The following SCHIP1 variants were observed in gnomAD, a reference collection of about 807,000 sequenced individuals.
SCHIP1 encodes the protein schwannomin interacting protein 1.
SCHIP1 carries 8 observed loss-of-function variants against 29.7 expected under a neutral mutation model. The observed-to-expected ratio is 0.27, with a 90% CI of 0.16 to 0.49. The LOEUF is 0.49. Among genes scored for constraint, SCHIP1 ranks in the 20% least tolerant of loss-of-function variants. The pLI, the probability that SCHIP1 is intolerant of heterozygous loss-of-function variation, is 0.99. For missense variants in SCHIP1, 193 were observed against 294.6 expected, an observed-to-expected ratio of 0.66 and a Z score of 2.52; for synonymous variants, 76 against 94.9, an observed-to-expected ratio of 0.80 and a Z score of 1.16.
the SCHIP1 span, among the ~76,000 whole-genome samples, chr3:159,713,031 T>A: frequency 6.6e-6 from 1 of 151,432 alleles, no homozygotes; most frequent in Non-Finnish European, 1.5e-5. Flanking sequence ...GGTGCATGCC[T>A]GTAATCCCAG....
At chr3:159,675,783 T>G in the SCHIP1 span, among the ~76,000 whole-genome samples, 1 of 152,218 alleles carries the variant, frequency 6.6e-6, no homozygotes, top group Non-Finnish European at 1.5e-5. Context: ...TCTCCCCATC[T>G]TTGTCCATGA....
At chr3:159,522,398 A>G in the SCHIP1 span, among the ~76,000 whole-genome samples, 3 of 152,244 alleles carry the variant, frequency 2.0e-5, no homozygotes, top group Non-Finnish European at 4.4e-5. Context: ...ATATAAAGTG[A>G]TTTACATGAC....
At chr3:159,540,722 A>C in the SCHIP1 span, among the ~76,000 whole-genome samples, 1 of 152,070 alleles carries the variant, frequency 6.6e-6, no homozygotes, top group Admixed American at 6.6e-5. Context: ...AGGTGTAGAC[A>C]ACTGAATGGA....
At chr3:159,446,161 C>A in the SCHIP1 span, among the ~76,000 whole-genome samples, 3 of 151,890 alleles carry the variant, frequency 2.0e-5, no homozygotes, top group East Asian at 1.9e-4. Context: ...GGGGTGCTAC[C>A]AACTCTTTCA....
At chr3:159,778,559 A>G in the SCHIP1 span, among the ~76,000 whole-genome samples, 3 of 152,228 alleles carry the variant, frequency 2.0e-5, no homozygotes, top group Non-Finnish European at 4.4e-5. Flanking sequence ...TACTAAAACT[A>G]TTCGACAACT....
intron 2 of SCHIP1, 23 bp from the exon 4 acceptor site, chr3:159,886,184 G>A (rs759424089): frequency 6.2e-7 from 1 of 1,612,030 alleles, no homozygotes; most frequent in Admixed American, 1.7e-5. Flanking sequence ...AGTAGAACTA[G>A]TGTCCTGTTT....
At chr3:159,836,506 T>C (rs1743671519), upstream of SCHIP1, among the ~76,000 whole-genome samples, 1 of 152,246 alleles carries the variant, frequency 6.6e-6, no homozygotes, top group East Asian at 1.9e-4. Context: ...CATTGTTTTC[T>C]ATGGAACACA....
the SCHIP1 span, among the ~76,000 whole-genome samples, chr3:159,643,488 C>T: frequency 2.6e-4 from 40 of 152,178 alleles, no homozygotes; most frequent in Admixed American, 7.9e-4. Context: ...ATGGCACAAT[C>T]AGAACATTCT....
the SCHIP1 span, among the ~76,000 whole-genome samples, chr3:159,338,623 G>A: frequency 6.6e-6 from 1 of 152,116 alleles, no homozygotes; most frequent in Non-Finnish European, 1.5e-5. Flanking sequence ...GGGGCCAAGG[G>A]TAGATTCAGA....
the SCHIP1 span, among the ~76,000 whole-genome samples, chr3:159,527,226 T>C: frequency 6.6e-6 from 1 of 152,198 alleles, no homozygotes; most frequent in Admixed American, 6.5e-5. Context: ...ATCAAAATCT[T>C]AATCCTTCTC....
the SCHIP1 span, among the ~76,000 whole-genome samples, chr3:159,704,267 T>C: frequency 6.6e-6 from 1 of 151,934 alleles, no homozygotes; most frequent in Non-Finnish European, 1.5e-5. Flanking sequence ...AAACTCTGTC[T>C]CTACTAAAAT....
At chr3:159,493,991 C>T in the SCHIP1 span, among the ~76,000 whole-genome samples, 1 of 152,074 alleles carries the variant, frequency 6.6e-6, no homozygotes, top group Non-Finnish European at 1.5e-5. Context: ...ACAACCTGCT[C>T]CTGAATGACT....
chr3:159,606,059 A>G, the SCHIP1 span, among the ~76,000 whole-genome samples: 1 of 152,110 alleles, frequency 6.6e-6, no homozygotes, highest in African/African-American at 2.4e-5. Flanking sequence ...TCTTACATGA[A>G]TCTCCCCAGG....
the SCHIP1 span, among the ~76,000 whole-genome samples, chr3:159,758,733 G>T: frequency 6.6e-6 from 1 of 152,190 alleles, no homozygotes; most frequent in Admixed American, 6.5e-5. Flanking sequence ...CCATCTATGT[G>T]AATGGTGCCA....
At chr3:159,597,834 C>G in the SCHIP1 span, among the ~76,000 whole-genome samples, 1 of 152,124 alleles carries the variant, frequency 6.6e-6, no homozygotes, top group African/African-American at 2.4e-5. Flanking sequence ...AGCTCGTTTT[C>G]ACACTGTGAA....
At chr3:159,379,023 T>A in the SCHIP1 span, among the ~76,000 whole-genome samples, 1 of 152,190 alleles carries the variant, frequency 6.6e-6, no homozygotes, top group Non-Finnish European at 1.5e-5. Flanking sequence ...TAAACCTTCA[T>A]TGAGGTTGTT....
chr3:159,275,307 C>A, the SCHIP1 span, among the ~76,000 whole-genome samples: 1 of 152,040 alleles, frequency 6.6e-6, no homozygotes, highest in Non-Finnish European at 1.5e-5. Context: ...TTTCACACAC[C>A]ATTGCATGTA....
At chr3:159,468,777 A>ATATTT in the SCHIP1 span, among the ~76,000 whole-genome samples, 20 of 127,336 alleles carry the variant, frequency 1.6e-4, no homozygotes, top group African/African-American at 4.3e-4. Flanking sequence ...ATATATATAT[A>ATATTT]TTTTTTTTAG....
intron 1 of SCHIP1, among the ~76,000 whole-genome samples, chr3:159,849,639 G>A (rs7640429): frequency 0.52 from 79,244 of 151,952 alleles, 21,349 homozygotes; most frequent in East Asian, 0.77. Flanking sequence ...GAGTGAGTGG[G>A]GTCTGCAGGG....
Sources: gnomAD v4.1 joint callset for allele counts (sites outside exome capture counted in the v4.1 genomes callset) on GRCh38, gnomAD v4.1.1 for gene constraint, MANE v1.5 for transcripts, NCBI Gene and HGNC (gene_info 2026-07-23, HGNC 2026-07-21) for gene names.